NOL4: variants seen among roughly 807,000 people sequenced by gnomAD.
NOL4 encodes cancer/testis antigen 125.
A neutral mutation model predicts 75.9 loss-of-function variants in NOL4; 17 were observed. That is an observed-to-expected ratio of 0.22 (90% CI 0.15 to 0.34). NOL4 has a LOEUF of 0.34. NOL4 is among the 10% of genes least tolerant of loss of function. The pLI is 1.00. For missense variants in NOL4, 614 were observed against 793.5 expected (o/e 0.77, Z 2.72); for synonymous variants, 292 against 289.9 (o/e 1.01, Z -0.07).
At chr18:34,169,436 A>G (rs2146252045) in intron 1 of NOL4, among the ~76,000 whole-genome samples, 1 of 151,552 alleles carries the variant, frequency 6.6e-6, no homozygotes, top group South Asian at 2.1e-4. Context: ...AAAGAAGGTG[A>G]AAAAAACAAA....
At chr18:33,878,664 C>T (rs964493496) in intron 10 of NOL4, among the ~76,000 whole-genome samples, 3 of 151,970 alleles carry the variant, frequency 2.0e-5, no homozygotes, top group Admixed American at 2.0e-4. Flanking sequence ...TATAAGCTCA[C>T]CCAGCCTAAT....
chr18:33,933,689 C>T (rs999783228), intron 9 of NOL4, among the ~76,000 whole-genome samples: 6 of 152,148 alleles, frequency 3.9e-5, no homozygotes, highest in Non-Finnish European at 8.8e-5. Context: ...CGTGAGATTG[C>T]AGCAATTCAG....
At chr18:33,997,177 A>G (rs1568189349) in intron 6 of NOL4, among the ~76,000 whole-genome samples, 1 of 151,900 alleles carries the variant, frequency 6.6e-6, no homozygotes, top group Non-Finnish European at 1.5e-5. Flanking sequence ...GGATGTCCAG[A>G]AGGGTATTTC....
intron 9 of NOL4, among the ~76,000 whole-genome samples, chr18:33,940,515 C>T (rs2068398443): frequency 6.6e-6 from 1 of 151,856 alleles, no homozygotes; most frequent in Admixed American, 6.6e-5. Flanking sequence ...CACATGGACA[C>T]AGGGAGGGAA....
At chr18:34,102,049 T>A (rs2079065440) in intron 4 of NOL4, among the ~76,000 whole-genome samples, 1 of 151,976 alleles carries the variant, frequency 6.6e-6, no homozygotes, top group Non-Finnish European at 1.5e-5. Flanking sequence ...TTTCACTATA[T>A]CCCTCTGCTA....
chr18:34,070,199 T>C (rs1234439833), intron 5 of NOL4, among the ~76,000 whole-genome samples: 2 of 152,138 alleles, frequency 1.3e-5, no homozygotes, highest in African/African-American at 4.8e-5. Context: ...GCCCAGCTAA[T>C]TTTTTGTATT....
chr18:34,091,835 G>A (rs2078536615), intron 5 of NOL4, among the ~76,000 whole-genome samples: 1 of 152,094 alleles, frequency 6.6e-6, no homozygotes, highest in African/African-American at 2.4e-5. Flanking sequence ...GTTAGGCCTA[G>A]GTTAGAATAT....
intron 9 of NOL4, among the ~76,000 whole-genome samples, chr18:33,921,507 G>A (rs1039909522): frequency 6.6e-6 from 1 of 152,162 alleles, no homozygotes. Context: ...TAGTTAAGAT[G>A]AGGCAATACT....
At chr18:34,058,297 C>G (rs2076915693) in intron 5 of NOL4, among the ~76,000 whole-genome samples, 1 of 152,124 alleles carries the variant, frequency 6.6e-6, no homozygotes, top group Admixed American at 6.5e-5. Context: ...CCACGCCCGG[C>G]TAATTTTTTG....
At chr18:33,862,219 G>A (rs1245365145) in intron 10 of NOL4, among the ~76,000 whole-genome samples, 5 of 152,116 alleles carry the variant, frequency 3.3e-5, no homozygotes, top group African/African-American at 1.2e-4. Flanking sequence ...CTAGCCATAT[G>A]TAGAAAGCTG....
At position 34,105,153 on chromosome 18, in the gene NOL4, T is replaced by C. The variant is rs199499625; in HGVS notation, c.422A>G (p.Glu141Gly). 5 of 1,594,192 alleles carry C rather than the reference T, an allele frequency of 3.1e-6. No individual in the cohort carries two copies. The highest frequency in any genetic ancestry group is 3.4e-6 in the Non-Finnish European group (4 of 1,162,450). ...GQKRTYKAISESYAFLPREAV... is the reference protein window; with the variant it reads ...GQKRTYKAISGSYAFLPREAV... ...TTCTCTTGGTAGGAAGGCATAGCTC[T>C]CTGAAATCTGAAATGATTCACAAAA... Residue 141 changes from glutamate to glycine, a missense_variant, in exon 3 of 11, where the codon GAG becomes GGG. Around this residue, in one of 9 missense-constraint regions of NOL4, gnomAD observed 135 missense variants for 220.4 expected, o/e 0.61. Transcript: ENST00000261592.
Position 34,066,052 on chromosome 18 carries a change from T to G in NOL4, c.772+27413A>C, listed in dbSNP as rs2077262332. Among the ~76,000 whole-genome samples, 2 of 151,968 alleles carry G rather than the reference T, an allele frequency of 1.3e-5. 1 individual carries two copies. Among genetic ancestry groups the G allele is most frequent in the Admixed American group, 1.3e-4 (2 of 15,250 alleles). On this transcript the variant is annotated intron_variant, in intron 5 of 10. Coordinates refer to ENST00000261592, the MANE Select transcript of NOL4 (RefSeq NM_003787.5). ...TGGGGATTGTTAATCTCAAAAATTA[T>G]AAGCAGGTTCACAGGATTGATTTGA...
chr18:33,996,837 T>A (rs913883258), intron 6 of NOL4, among the ~76,000 whole-genome samples: 3 of 151,896 alleles, frequency 2.0e-5, no homozygotes, highest in Admixed American at 6.6e-5. Flanking sequence ...TGATTCCATG[T>A]CTTTGCTATT....
At position 34,224,501 on chromosome 18, in the gene NOL4, G is replaced by T. The variant is rs961720157; in HGVS notation, c.-1248C>A. 2.6e-5 allele frequency: 4 copies of T among 152,322 alleles called. No individual in the cohort carries two copies. Among genetic ancestry groups the T allele is most frequent in the African/African-American group, 9.7e-5 (4 of 41,450 alleles). The allele number at this position is 152,322 out of a possible 1,614,324, so 9.4% of individuals were successfully genotyped here. A position where few individuals can be genotyped will look rare whatever the true frequency, so the allele number is the denominator to read the frequency against. On this transcript the variant is annotated 5_prime_UTR_variant, in exon 1 of 11. Coordinates refer to ENST00000261592, the MANE Select transcript of NOL4 (RefSeq NM_003787.5). Reference sequence around the variant, plus strand: ...TTTGTTTCCAGAGCTGGAAATAGGGGAGTTCCCATCCTCCTCGCGCGGCGG... The same window carrying T: ...TTTGTTTCCAGAGCTGGAAATAGGGTAGTTCCCATCCTCCTCGCGCGGCGG...
intron 1 of NOL4, among the ~76,000 whole-genome samples, chr18:34,213,534 C>T (rs147402950): frequency 0.031 from 4,783 of 152,246 alleles, 151 homozygotes; most frequent in Admixed American, 0.1. Flanking sequence ...GTGATCTACC[C>T]GCCTCAGCCT....
intron 2 of NOL4, among the ~76,000 whole-genome samples, chr18:34,106,990 T>G (rs1198895816): frequency 6.6e-6 from 1 of 152,110 alleles, no homozygotes; most frequent in African/African-American, 2.4e-5. Context: ...TTTTCTAGAT[T>G]TCTATTAAAT....
At chr18:34,048,609 G>A (rs1166324099) in intron 5 of NOL4, 3 of 985,182 alleles carry the variant, frequency 3.0e-6, no homozygotes, top group East Asian at 2.3e-4. Context: ...AATCTTTCCT[G>A]TATGAAGCAG....
chr18:33,958,733 A>G (rs560189977), intron 6 of NOL4, among the ~76,000 whole-genome samples: 70 of 152,278 alleles, frequency 4.6e-4, no homozygotes, highest in African/African-American at 1.6e-3. Flanking sequence ...TTCCAAATAA[A>G]AAAGCAATCT....
At chr18:34,158,503 G>T (rs2030855088) in intron 1 of NOL4, 1 of 152,142 alleles carries the variant, frequency 6.6e-6, no homozygotes. Context: ...TTAGAGCCCA[G>T]AAAAGAGATT....
Sources: gnomAD v4.1 joint callset for allele counts (sites outside exome capture counted in the v4.1 genomes callset) on GRCh38, gnomAD v4.1.1 for gene constraint, gnomAD v4.1.1 regional missense constraint, MANE v1.5 for transcripts, NCBI Gene and HGNC (gene_info 2026-07-23, HGNC 2026-07-21) for gene names.